URGCP: variants seen among roughly 807,000 people sequenced by gnomAD.
The protein encoded by URGCP is upregulator of cell proliferation, also known as up-regulator of cell proliferation.
Under a neutral mutation model 24.6 loss-of-function variants are expected in URGCP, and 13 were observed. The observed-to-expected ratio is 0.53, with a 90% confidence interval of 0.34 to 0.84. The LOEUF is 0.84. Among genes scored for constraint, URGCP ranks in the 40% least tolerant of loss-of-function variants. The pLI is 0.01. For synonymous variants in URGCP, 444 were observed against 487.2 expected (o/e 0.91, Z 1.17); for missense variants, 899 against 1,194.3 (o/e 0.75, Z 3.64).
chr7:43,914,988 C>T (rs770677519), intron 1 of URGCP, among the ~76,000 whole-genome samples: 1 of 152,152 alleles, frequency 6.6e-6, no homozygotes, highest in South Asian at 2.1e-4. Flanking sequence ...CCCGCATGCG[C>T]ACTGAAGAAT....
chr7:43,919,553 G>T, intron 1 of URGCP: 1 of 1,404,620 alleles, frequency 7.1e-7, no homozygotes, highest in Non-Finnish European at 1.0e-6. Context: ...TGGCCAGCGT[G>T]AGGAAGACCA....
chr7:43,920,950 T>C (rs1366021883), intron 1 of URGCP, among the ~76,000 whole-genome samples: 1 of 152,176 alleles, frequency 6.6e-6, no homozygotes, highest in Non-Finnish European at 1.5e-5. Flanking sequence ...ATTAGGAGAT[T>C]GGTGAACAGA....
intron 1 of URGCP, among the ~76,000 whole-genome samples, chr7:43,918,303 T>C (rs1037667798): frequency 6.6e-6 from 1 of 151,672 alleles, no homozygotes; most frequent in Non-Finnish European, 1.5e-5. Context: ...AGGATTTCCT[T>C]TCCCTTTCCT....
intron 1 of URGCP, chr7:43,888,363 G>T (rs2528394): frequency 6.6e-6 from 1 of 151,864 alleles, no homozygotes; most frequent in Non-Finnish European, 1.5e-5. Context: ...TTAGCCAGGC[G>T]TGGTGGCAGG....
chr7:43,891,483 C>T (rs923690356), intron 1 of URGCP, among the ~76,000 whole-genome samples: 5 of 152,174 alleles, frequency 3.3e-5, no homozygotes, highest in African/African-American at 4.8e-5. Context: ...ACATAATCCT[C>T]CTGCGTAAAT....
At chr7:43,920,760 C>A (rs2095921395) in intron 1 of URGCP, among the ~76,000 whole-genome samples, 1 of 152,052 alleles carries the variant, frequency 6.6e-6, no homozygotes, top group Non-Finnish European at 1.5e-5. Context: ...AGAAAAGGTG[C>A]CATGCATGCC....
intron 1 of URGCP, among the ~76,000 whole-genome samples, chr7:43,914,181 A>G (rs2095913150): frequency 6.6e-6 from 1 of 151,992 alleles, no homozygotes; most frequent in African/African-American, 2.4e-5. Flanking sequence ...TTTTGTAGAG[A>G]CGGGTTTTGC....
At chr7:43,887,996 A>T (rs779339115) in intron 1 of URGCP, 180 bp from the exon 2 acceptor site, 71 of 575,832 alleles carry the variant, frequency 1.2e-4, no homozygotes, top group Non-Finnish European at 2.0e-4. Flanking sequence ...ATGAGATATT[A>T]GGGAAAGCTG....
At chr7:43,890,321 T>C (rs1037606924) in intron 1 of URGCP, among the ~76,000 whole-genome samples, 1 of 150,916 alleles carries the variant, frequency 6.6e-6, no homozygotes, top group East Asian at 1.9e-4. Flanking sequence ...TTCACGCCAT[T>C]CTCCTGCTTC....
rs1472992471 is a variant in URGCP, at chr7:43,877,357, G to A, written c.2106C>T (p.Gly702=). 1 of 1,612,526 alleles carries A rather than the reference G, an allele frequency of 6.2e-7. No individual in the cohort carries two copies. Among genetic ancestry groups the A allele is most frequent in the African/African-American group, 1.3e-5 (1 of 74,916 alleles). ...LVVLSTVGVP[G]TGKSTLLNTM... ...TGTTGAGGAGTGTGGACTTGCCCGTGCCTGGCACCCCGACGGTTGACAGAA... is the reference window on the plus strand; with the variant it reads ...TGTTGAGGAGTGTGGACTTGCCCGTACCTGGCACCCCGACGGTTGACAGAA... Residue 702 remains glycine, a synonymous_variant, in exon 6 of 6, where the codon GGC becomes GGT. Transcript: ENST00000453200.
At chr7:43,915,585 G>A (rs1225217545) in intron 1 of URGCP, among the ~76,000 whole-genome samples, 1 of 152,214 alleles carries the variant, frequency 6.6e-6, no homozygotes, top group Non-Finnish European at 1.5e-5. Flanking sequence ...TCCCAGCTGG[G>A]GCTGGGGCTC....
intron 5 of URGCP, 79 bp downstream of exon 5, chr7:43,881,578 TAC>T: frequency 6.3e-7 from 1 of 1,599,148 alleles, no homozygotes. Flanking sequence ...GGTGATTTGA[TAC>T]AGTCAGGTGT....
At chr7:43,908,262 G>C (rs982913614), upstream of URGCP, among the ~76,000 whole-genome samples, 2 of 152,046 alleles carry the variant, frequency 1.3e-5, no homozygotes, top group Non-Finnish European at 2.9e-5. Context: ...ATTTTTAGTA[G>C]AGACAGGGTT....
At chr7:43,885,261 C>T (rs910799718) in intron 3 of URGCP, among the ~76,000 whole-genome samples, 2 of 152,024 alleles carry the variant, frequency 1.3e-5, no homozygotes, top group Non-Finnish European at 2.9e-5. Context: ...CCATCCCTCC[C>T]AGCTAATTTT....
In URGCP at chr7:43,878,321, G is replaced by A. The variant is rs1474274814; in HGVS notation, c.1142C>T (p.Thr381Ile). Residue 381 changes from threonine (T) to isoleucine (I), a missense_variant, in exon 6 of 6, where the codon ACA (threonine) becomes ATA (isoleucine). Physicochemically the swap from Thr to Ile is moderately conservative, Grantham distance 89. Coordinates refer to ENST00000453200, the MANE Select transcript of URGCP (RefSeq NM_001077663.3). The surrounding 1 kb of genome is among the most constrained non-coding windows in gnomAD (Gnocchi z 5.6). Reference protein sequence around the residue: ...KLLYSMKESTTKYYFILSPYR... With the variant: ...KLLYSMKESTIKYYFILSPYR... The stretch of plus-strand genomic sequence containing the variant: ...GGGACTCAGGATGAAGTAGTATTTT[G>A]TGGTTGACTCCTTCATGGAGTACAG... The A allele has an allele frequency of 1.2e-6, 2 of 1,614,204 alleles. No individual in the cohort carries two copies. Among genetic ancestry groups the A allele is most frequent in the Non-Finnish European group, 1.7e-6 (2 of 1,180,036 alleles).
At chr7:43,896,846 T>G (rs186926281) in intron 1 of URGCP, among the ~76,000 whole-genome samples, 2 of 152,334 alleles carry the variant, frequency 1.3e-5, no homozygotes, top group African/African-American at 4.8e-5. Flanking sequence ...AAAGTTCTCT[T>G]GGATTTATCT....
At chr7:43,887,679 T>C in intron 2 of URGCP, 111 bp downstream of exon 2, 2 of 1,498,192 alleles carry the variant, frequency 1.3e-6, no homozygotes, top group Non-Finnish European at 1.8e-6. Flanking sequence ...CCTCAATGAT[T>C]CTGATATGCA....
intron 3 of URGCP, among the ~76,000 whole-genome samples, chr7:43,884,634 GC>G (rs2095859419): frequency 6.6e-6 from 1 of 152,178 alleles, no homozygotes; most frequent in Admixed American, 6.5e-5. Context: ...TTCAAGACCA[GC>G]CTGGGCACAA....
upstream of URGCP, among the ~76,000 whole-genome samples, chr7:43,909,205 C>G (rs1028983043): frequency 6.6e-6 from 1 of 152,180 alleles, no homozygotes; most frequent in Middle Eastern, 3.4e-3. Context: ...TACACACATA[C>G]ACAAACACAC....
Sources: gnomAD v4.1 joint callset for allele counts (sites outside exome capture counted in the v4.1 genomes callset) on GRCh38, gnomAD v4.1.1 for gene constraint, Gnocchi (gnomAD v3.1) non-coding constraint, MANE v1.5 for transcripts, NCBI Gene and HGNC (gene_info 2026-07-23, HGNC 2026-07-21) for gene names.